The following PAAF1 variants were observed in gnomAD, a reference collection of about 807,000 sequenced individuals.
PAAF1 encodes proteasomal ATPase-associated factor 1.
In PAAF1, 46 loss-of-function variants were observed where a neutral mutation model predicts 52.8. That is an observed-to-expected ratio of 0.87 (90% CI 0.69 to 1.11). PAAF1 has a LOEUF of 1.11. Among genes scored for constraint, PAAF1 ranks in the 50% most tolerant of loss-of-function variants. PAAF1 has a pLI of 0.00. For missense variants in PAAF1, 424 were observed against 477.4 expected, an observed-to-expected ratio of 0.89 and a Z score of 1.04; for synonymous variants, 178 against 172.8, an observed-to-expected ratio of 1.03 and a Z score of -0.24.
chr11:73,892,325 CAAA>C (rs150332375), intron 4 of PAAF1, among the ~76,000 whole-genome samples: 3 of 81,788 alleles, frequency 3.7e-5, no homozygotes, highest in Non-Finnish European at 2.6e-5. Flanking sequence ...ACTGTCTCAC[CAAA>C]AAAAAAAAAA....
At chr11:73,893,903 T>C (rs1241754396) in intron 4 of PAAF1, among the ~76,000 whole-genome samples, 3 of 151,702 alleles carry the variant, frequency 2.0e-5, no homozygotes, top group Non-Finnish European at 2.9e-5. Flanking sequence ...TACAAAAAAA[T>C]TAAAAGTTAG....
chr11:73,921,816 T>C (rs2135231463), intron 10 of PAAF1: 3 of 1,146,666 alleles, frequency 2.6e-6, no homozygotes, highest in East Asian at 5.3e-5. Context: ...TCACTTCATC[T>C]TCCTGTTTGT....
intron 5 of PAAF1, 47 bp from the exon 6 acceptor site, chr11:73,900,223 A>G (rs370214827): frequency 2.6e-6 from 4 of 1,543,084 alleles, no homozygotes; most frequent in Admixed American, 1.8e-5. Context: ...GAGAACATCA[A>G]GGGATGGACA....
intron 8 of PAAF1, among the ~76,000 whole-genome samples, chr11:73,915,804 T>G (rs529123676): frequency 6.6e-6 from 1 of 152,352 alleles, no homozygotes; most frequent in Non-Finnish European, 1.5e-5. Context: ...GTGATTTGAT[T>G]TGGCCACAGG....
Position 73,895,826 on chromosome 11 carries a change from G to A in PAAF1, c.283-3320G>A, listed in dbSNP as rs543003105. On this transcript the variant is annotated intron_variant, in intron 4 of 11. Transcript: ENST00000310571. ...CTGATACTGAAATTACAAAAGTGAGGCTGGGCGCGGTGGCTCACGCCTGTG... is the reference window on the plus strand; with the variant it reads ...CTGATACTGAAATTACAAAAGTGAGACTGGGCGCGGTGGCTCACGCCTGTG... 2.6e-5 allele frequency among the ~76,000 whole-genome samples: 4 copies of A among 152,344 alleles called. No homozygotes were observed. In the South Asian group the frequency reaches 8.3e-4, roughly 32 times the overall value.
intron 8 of PAAF1, among the ~76,000 whole-genome samples, chr11:73,915,302 T>A (rs75351017): frequency 0.02 from 3,090 of 152,250 alleles, 105 homozygotes; most frequent in African/African-American, 0.069. Context: ...TGTGAAAAAA[T>A]TCTGAGTAAA....
intron 6 of PAAF1, among the ~76,000 whole-genome samples, chr11:73,903,457 C>G (rs1046455754): frequency 2.0e-5 from 3 of 152,190 alleles, no homozygotes; most frequent in African/African-American, 7.2e-5. Flanking sequence ...TGGCTCATGC[C>G]TGTAATCCTA....
At position 73,899,204 on chromosome 11, in the gene PAAF1, G is replaced by A; in HGVS notation, c.341G>A (p.Gly114Glu). 6.2e-7 allele frequency: 1 copy of A among 1,613,904 alleles called. No individual in the cohort carries two copies. Among genetic ancestry groups the A allele is most frequent in the Non-Finnish European group, 8.5e-7 (1 of 1,179,964 alleles). ...GGLGVSSSTD[G>E]TMKIWQASNG... is the part of the protein sequence containing the mutation. ...CTTGGTGTGTCTTCTAGTACTGACGGGACCATGAAAATCTGGCAGGCTTCC... is the reference window on the plus strand; with the variant it reads ...CTTGGTGTGTCTTCTAGTACTGACGAGACCATGAAAATCTGGCAGGCTTCC... Residue 114 changes from glycine (G) to glutamate (E), a missense_variant, in exon 5 of 12, where the codon GGG becomes GAG. Transcript: ENST00000310571.
chr11:73,921,757 C>T (rs1950227226), intron 10 of PAAF1: 2 of 1,183,220 alleles, frequency 1.7e-6, no homozygotes, highest in Admixed American at 1.7e-5. Flanking sequence ...AACTTTCTCA[C>T]AAAGTCTCAG....
chr11:73,923,301 C>A (rs1391335497), intron 10 of PAAF1, among the ~76,000 whole-genome samples: 4 of 152,016 alleles, frequency 2.6e-5, no homozygotes, highest in Non-Finnish European at 5.9e-5. Context: ...TCTGCTGATT[C>A]TTTTCCAGGT....
At chr11:73,907,195 C>A (rs1248086508) in intron 6 of PAAF1, among the ~76,000 whole-genome samples, 1 of 151,936 alleles carries the variant, frequency 6.6e-6, no homozygotes, top group Non-Finnish European at 1.5e-5. Context: ...TAATAAAGGG[C>A]TTCAAAAACT....
chr11:73,907,954 A>G, intron 6 of PAAF1, among the ~76,000 whole-genome samples: 1 of 151,992 alleles, frequency 6.6e-6, no homozygotes, highest in African/African-American at 2.4e-5. Flanking sequence ...GACATGTGGG[A>G]GGCAATAAGG....
At chr11:73,897,219 G>C (rs1418624931) in intron 4 of PAAF1, among the ~76,000 whole-genome samples, 1 of 114,660 alleles carries the variant, frequency 8.7e-6, no homozygotes, top group Non-Finnish European at 1.7e-5. Context: ...CGGGGCGGCT[G>C]GCCGGGCGGG....
Position 73,915,771 on chromosome 11 carries a change from T to G in PAAF1, c.820-774T>G, listed in dbSNP as rs138053210. 5.0e-3 allele frequency among the ~76,000 whole-genome samples: 757 copies of G among 152,370 alleles called. 9 individuals are homozygous for G. The highest frequency in any genetic ancestry group is 0.017 in the African/African-American group (692 of 41,586). ...TTTTAAAATTTCCTTCTAGCTCCTG[T>G]GATCGTCATCCAGACAACTTTAGTG... is the stretch of plus-strand genomic sequence containing the variant. On this transcript the variant is annotated intron_variant, in intron 8 of 11. Coordinates refer to ENST00000310571, the MANE Select transcript of PAAF1 (RefSeq NM_025155.3).
At chr11:73,908,995 T>C (rs1303031843) in intron 6 of PAAF1, among the ~76,000 whole-genome samples, 1 of 151,522 alleles carries the variant, frequency 6.6e-6, no homozygotes, top group Non-Finnish European at 1.5e-5. Context: ...TCATGTTAGC[T>C]AGGCTGGTCT....
chr11:73,896,048 G>A (rs1345816603), intron 4 of PAAF1, among the ~76,000 whole-genome samples: 1 of 152,202 alleles, frequency 6.6e-6, no homozygotes, highest in Middle Eastern at 3.2e-3. Flanking sequence ...GGCTAAGGCT[G>A]TAGTGAGTTG....
At chr11:73,923,658 C>A (rs994881089) in intron 10 of PAAF1, among the ~76,000 whole-genome samples, 3 of 152,134 alleles carry the variant, frequency 2.0e-5, no homozygotes, top group Admixed American at 6.5e-5. Flanking sequence ...GCCTCAGCCT[C>A]CTGAGTATCT....
chr11:73,877,218 A>G, intron 1 of PAAF1, 150 bp downstream of exon 1: 1 of 768,450 alleles, frequency 1.3e-6, no homozygotes. Context: ...AAAAAGAAGT[A>G]TCAAACCCGT....
Position 73,927,260 on chromosome 11 carries a change from TG to T in PAAF1, c.1102-24del. On this transcript the variant is annotated intron_variant, in intron 11 of 11. Transcript: ENST00000310571. ...AAATGGAAGAATCCCAGGCTTCCTT[TG>T]AACTGTGAATTCTTGTGTTTTAGGT... is the stretch of plus-strand genomic sequence containing the variant. 3 of 1,581,326 alleles carry T rather than the reference TG, an allele frequency of 1.9e-6. 1 individual carries two copies.
Sources: gnomAD v4.1 joint callset for allele counts (sites outside exome capture counted in the v4.1 genomes callset) on GRCh38, gnomAD v4.1.1 for gene constraint, MANE v1.5 for transcripts, NCBI Gene and HGNC (gene_info 2026-07-23, HGNC 2026-07-21) for gene names.